DEK: variants seen among roughly 807,000 people sequenced by gnomAD.
DEK encodes protein DEK.
Under a neutral mutation model 46.8 loss-of-function variants are expected in DEK, and 28 were observed. The observed-to-expected ratio is 0.60, with a 90% CI of 0.44 to 0.82. The LOEUF (loss-of-function observed/expected upper bound fraction) is 0.82. DEK is among the 40% of genes least tolerant of loss of function. The pLI is 0.00. For synonymous variants in DEK, 160 were observed against 144.5 expected (o/e 1.11, Z -0.77); for missense variants, 416 against 430.6 (o/e 0.97, Z 0.30).
chr6:18,245,407 C>T (rs1425698742), intron 7 of DEK, among the ~76,000 whole-genome samples: 2 of 151,242 alleles, frequency 1.3e-5, no homozygotes, highest in African/African-American at 2.4e-5. Flanking sequence ...CTGTTTCGAA[C>T]ATTATTAGTA....
At chr6:18,235,841 TG>T (rs1790624915) in intron 9 of DEK, among the ~76,000 whole-genome samples, 1 of 152,186 alleles carries the variant, frequency 6.6e-6, no homozygotes, top group Admixed American at 6.5e-5. Flanking sequence ...AATCAATGAA[TG>T]GTGAATGAAT....
intron 7 of DEK, among the ~76,000 whole-genome samples, chr6:18,249,340 G>A (rs1369383780): frequency 1.3e-5 from 2 of 152,096 alleles, no homozygotes; most frequent in East Asian, 3.9e-4. Context: ...CTGCTCCTAT[G>A]TGGTCCTATT....
intron 7 of DEK, among the ~76,000 whole-genome samples, chr6:18,244,966 T>C (rs1349334736): frequency 2.6e-5 from 4 of 152,218 alleles, no homozygotes; most frequent in Non-Finnish European, 5.9e-5. Flanking sequence ...AAAATTATAA[T>C]GGAGTTTCTC....
At position 18,258,322 on chromosome 6, in the gene DEK, GCT is replaced by G; in HGVS notation, c.227_228del (p.Glu76AlafsTer14). ...AACTTACCTTGTGCAATTGTAAATG[GCT>G]CTCTCTGTAAGGAAGAGACTTGCAT... is the stretch of plus-strand genomic sequence containing the variant. ...LTMQVSSLQR[E>X]PFTIAQGKGQ... On this transcript the variant is annotated frameshift_variant, in exon 3 of 11. Coordinates refer to ENST00000652689, the MANE Select transcript of DEK (RefSeq NM_003472.4). LOFTEE classifies it high-confidence loss of function. The G allele has an allele frequency of 6.2e-7, 1 of 1,610,744 alleles. No individual in the cohort carries two copies. Among genetic ancestry groups the G allele is most frequent in the Non-Finnish European group, 8.5e-7 (1 of 1,179,006 alleles).
chr6:18,261,984 G>GTCAC (rs1183935583), intron 2 of DEK, among the ~76,000 whole-genome samples: 1 of 152,160 alleles, frequency 6.6e-6, no homozygotes, highest in Non-Finnish European at 1.5e-5. Flanking sequence ...CTGGAGGTGA[G>GTCAC]GCCTGGTAAG....
At chr6:18,254,069 G>A (rs1791503954) in intron 6 of DEK, among the ~76,000 whole-genome samples, 1 of 152,066 alleles carries the variant, frequency 6.6e-6, no homozygotes. Flanking sequence ...GGTAGCTCAC[G>A]CCTGTAATCC....
At position 18,228,645 on chromosome 6, in the gene DEK, G is replaced by A. The variant is rs190913491; in HGVS notation, c.1048-2403C>T. On this transcript the variant is annotated intron_variant, in intron 9 of 10. Coordinates refer to ENST00000652689, the MANE Select transcript of DEK (RefSeq NM_003472.4). ...CTAGCCAAAGGAAGCTGTGATAGACGGCACCTGGAAAATTGGGTCACTCCC... is the reference window on the plus strand; with the variant it reads ...CTAGCCAAAGGAAGCTGTGATAGACAGCACCTGGAAAATTGGGTCACTCCC... Among the ~76,000 whole-genome samples the A allele has an allele frequency of 9.8e-5, 15 of 152,288 alleles. No individual in the cohort carries two copies. The East Asian group carries it at 1.9e-3, about 20-fold the overall frequency.
At chr6:18,248,528 T>C (rs1026362430) in intron 7 of DEK, among the ~76,000 whole-genome samples, 5 of 152,120 alleles carry the variant, frequency 3.3e-5, no homozygotes, top group African/African-American at 1.2e-4. Flanking sequence ...GTGCCAAATA[T>C]ATATTAAGAT....
At chr6:18,245,940 G>C (rs1791094163) in intron 7 of DEK, among the ~76,000 whole-genome samples, 1 of 152,214 alleles carries the variant, frequency 6.6e-6, no homozygotes, top group Non-Finnish European at 1.5e-5. Context: ...TTTTATAAAA[G>C]GGAGTTGCCC....
At chr6:18,246,892 C>A (rs973168172) in intron 7 of DEK, among the ~76,000 whole-genome samples, 6 of 152,296 alleles carry the variant, frequency 3.9e-5, no homozygotes, top group African/African-American at 1.4e-4. Context: ...GAATAAGAGT[C>A]TTTTATTTAT....
At chr6:18,263,707 GCA>G in intron 2 of DEK, 134 bp downstream of exon 2, 1 of 1,567,788 alleles carries the variant, frequency 6.4e-7, no homozygotes, top group Non-Finnish European at 8.6e-7. Flanking sequence ...GATAAATTGT[GCA>G]CACATTCTCG....
chr6:18,259,659 A>C (rs1430271835), intron 2 of DEK, among the ~76,000 whole-genome samples: 1 of 152,134 alleles, frequency 6.6e-6, no homozygotes, highest in Non-Finnish European at 1.5e-5. Flanking sequence ...CTACTAAAGA[A>C]ATGAGACATA....
intron 7 of DEK, among the ~76,000 whole-genome samples, chr6:18,242,314 A>G (rs1328436882): frequency 6.6e-6 from 1 of 152,210 alleles, no homozygotes; most frequent in Non-Finnish European, 1.5e-5. Flanking sequence ...GTGAGTATCG[A>G]TCGTGCCACT....
In DEK at chr6:18,263,909, C is replaced by CGGGCATTTCGG; in HGVS notation, c.68_78dup (p.Gly27ProfsTer41). 1.2e-6 allele frequency: 2 copies of CGGGCATTTCGG among 1,612,048 alleles called. No homozygotes were observed. Among genetic ancestry groups the CGGGCATTTCGG allele is most frequent in the Non-Finnish European group, 1.7e-6 (2 of 1,179,050 alleles). On this transcript the variant is annotated frameshift_variant, in exon 2 of 11. Coordinates refer to ENST00000652689, the MANE Select transcript of DEK (RefSeq NM_003472.4). LOFTEE classifies it high-confidence loss of function. ...TCCTCCTCGCTCTCCTCTCTGGGACCGGGCATTTCGGGTTCTTTCTCGGAC... is the reference window on the plus strand; with the variant it reads ...TCCTCCTCGCTCTCCTCTCTGGGACCGGGCATTTCGGGGGCATTTCGGGTTCTTTCTCGGAC...
chr6:18,242,324 T>C (rs968206752), intron 7 of DEK, among the ~76,000 whole-genome samples: 13 of 152,232 alleles, frequency 8.5e-5, no homozygotes, highest in African/African-American at 2.9e-4. Context: ...ATCGTGCCAC[T>C]GTACCCCAGC....
chr6:18,259,256 G>A (rs527381715), intron 2 of DEK, among the ~76,000 whole-genome samples: 47 of 151,612 alleles, frequency 3.1e-4, no homozygotes, highest in African/African-American at 1.1e-3. Flanking sequence ...TTAGCCAGGT[G>A]TGGTGGCTGG....
At chr6:18,231,994 C>G (rs1337815081) in intron 9 of DEK, among the ~76,000 whole-genome samples, 1 of 152,146 alleles carries the variant, frequency 6.6e-6, no homozygotes, top group African/African-American at 2.4e-5. Flanking sequence ...AATCCAGCAG[C>G]AAATCAAAAA....
intron 7 of DEK, among the ~76,000 whole-genome samples, chr6:18,241,109 T>C (rs992882900): frequency 6.6e-6 from 1 of 152,226 alleles, no homozygotes; most frequent in South Asian, 2.1e-4. Context: ...AAACTACTAA[T>C]GAATTTGTAT....
intron 7 of DEK, among the ~76,000 whole-genome samples, chr6:18,239,597 T>C (rs1790817306): frequency 6.6e-6 from 1 of 152,156 alleles, no homozygotes; most frequent in Non-Finnish European, 1.5e-5. Context: ...TAACTGCTAC[T>C]AAAAAATACA....
Sources: allele counts gnomAD v4.1 joint callset (sites outside exome capture counted in the v4.1 genomes callset), GRCh38; gene constraint gnomAD v4.1.1; transcripts MANE v1.5; gene names NCBI Gene and HGNC (gene_info 2026-07-23, HGNC 2026-07-21).